Variants in TCF3 observed in about 807,000 individuals in gnomAD.
TCF3 encodes transcription factor 3.
TCF3 carries 54 observed loss-of-function variants against 72.3 expected under a neutral mutation model. That is an observed-to-expected ratio of 0.75 (90% CI 0.60 to 0.94). The LOEUF (loss-of-function observed/expected upper bound fraction) is 0.94. Among genes scored for constraint, TCF3 ranks in the 40% least tolerant of loss-of-function variants. The pLI is 0.00. For missense variants in TCF3, 1,078 were observed against 934.4 expected (o/e 1.15, Z -2.00); for synonymous variants, 525 against 412.6 (o/e 1.27, Z -3.30).
Position 1,615,280 on chromosome 19 carries a change from C to T in TCF3, c.1822+5G>A. On this transcript the variant is annotated splice_donor_5th_base_variant and intron_variant, in intron 18 of 18. Coordinates refer to ENST00000262965, the MANE Select transcript of TCF3 (RefSeq NM_003200.5). The surrounding 1 kb of genome is among the most constrained non-coding windows in gnomAD (Gnocchi z 7.3). ...GGGACGCTGGTGGCCCGCGCCCCCACTGACCTCGCACTTGCTGCTCCAAGT... is the reference window on the plus strand; with the variant it reads ...GGGACGCTGGTGGCCCGCGCCCCCATTGACCTCGCACTTGCTGCTCCAAGT... 6.3e-7 allele frequency: 1 copy of T among 1,583,128 alleles called. No individual in the cohort carries two copies. Among genetic ancestry groups the T allele is most frequent in the Non-Finnish European group, 8.6e-7 (1 of 1,159,014 alleles).
chr19:1,625,153 C>T (rs2062729802), intron 7 of TCF3, among the ~76,000 whole-genome samples: 1 of 152,228 alleles, frequency 6.6e-6, no homozygotes, highest in African/African-American at 2.4e-5. Flanking sequence ...GGCGACTGTG[C>T]TGCCTGGAAT....
rs1286689210 is a variant in TCF3, at chr19:1,614,581, G to A, written c.1822+704C>T. ...GAGCTGAGGGGATAGCGTGTGGGCC[G>A]GGCCGGGGCTCTGGCTCCGGTCCCA... On this transcript the variant is annotated intron_variant, in intron 18 of 18. Coordinates refer to ENST00000262965, the MANE Select transcript of TCF3 (RefSeq NM_003200.5). The surrounding 1 kb of genome is among the most constrained non-coding windows in gnomAD (Gnocchi z 5.6). Among the ~76,000 whole-genome samples, 1 of 152,150 alleles carries A rather than the reference G, an allele frequency of 6.6e-6. No individual in the cohort carries two copies. Among genetic ancestry groups the A allele is most frequent in the Non-Finnish European group, 1.5e-5 (1 of 68,018 alleles).
intron 3 of TCF3, among the ~76,000 whole-genome samples, chr19:1,638,040 C>A (rs886750492): frequency 6.6e-6 from 1 of 152,202 alleles, no homozygotes; most frequent in African/African-American, 2.4e-5. Flanking sequence ...CCCCATGGAT[C>A]CTCAAAGAAA....
At chr19:1,636,480 G>A (rs1402215931) in intron 3 of TCF3, among the ~76,000 whole-genome samples, 1 of 151,986 alleles carries the variant, frequency 6.6e-6, no homozygotes, top group Non-Finnish European at 1.5e-5. Flanking sequence ...AAATTTTTTT[G>A]TAGAGATGGG....
At chr19:1,612,141 C>G in intron 18 of TCF3, 4 of 1,474,412 alleles carry the variant, frequency 2.7e-6, no homozygotes, top group Non-Finnish European at 1.8e-6. Flanking sequence ...CAGGAGGACC[C>G]CAGCATCTGC....
intron 3 of TCF3, among the ~76,000 whole-genome samples, chr19:1,644,062 C>T (rs976466991): frequency 2.6e-5 from 4 of 152,166 alleles, no homozygotes; most frequent in African/African-American, 9.6e-5. Context: ...AGCTCCGGGG[C>T]TCCATCCTGC....
chr19:1,625,385 G>A (rs1461854446), intron 7 of TCF3, among the ~76,000 whole-genome samples, 191 bp downstream of exon 7: 2 of 152,214 alleles, frequency 1.3e-5, no homozygotes, highest in Admixed American at 6.5e-5. Flanking sequence ...GACGTGCCAC[G>A]CCCGCCGGCC....
chr19:1,632,734 T>A (rs746386940), intron 3 of TCF3, among the ~76,000 whole-genome samples: 1 of 152,130 alleles, frequency 6.6e-6, no homozygotes, highest in South Asian at 2.1e-4. Flanking sequence ...CTCCTCCCCA[T>A]CAGCCCCAAG....
chr19:1,630,430 G>A (rs2063563214), intron 5 of TCF3, among the ~76,000 whole-genome samples: 1 of 152,160 alleles, frequency 6.6e-6, no homozygotes, highest in Non-Finnish European at 1.5e-5. Context: ...AGACAGGACC[G>A]TCCCTGCCCC....
chr19:1,620,890 C>G (rs2062112806), intron 13 of TCF3, 78 bp downstream of exon 13: 1 of 1,330,256 alleles, frequency 7.5e-7, no homozygotes, highest in Non-Finnish European at 9.9e-7. Flanking sequence ...CCCCGCAAAG[C>G]CTTCACAGAC....
intron 2 of TCF3, 60 bp from the exon 3 acceptor site, chr19:1,646,487 C>G (rs1055174715): frequency 1.7e-5 from 25 of 1,482,110 alleles, no homozygotes; most frequent in African/African-American, 1.1e-4. Context: ...CCTACAGTCC[C>G]GGGTTCAAAC....
chr19:1,621,241 G>A (rs1311625534), intron 11 of TCF3, 50 bp from the exon 12 acceptor site: 16 of 1,517,186 alleles, frequency 1.1e-5, no homozygotes, highest in Middle Eastern at 2.3e-4. Flanking sequence ...GGGTGCTGCC[G>A]CCGACGGCAA....
rs1407946978 is a variant in TCF3 at position 1,610,360 on chromosome 19, T to G, written c.*1347A>C. On this transcript the variant is annotated 3_prime_UTR_variant, in exon 19 of 19. Transcript: ENST00000262965. ...GATGCTCCCCAGCATTGGGGGAGGC[T>G]GGCCAGGCCCCTGGCATCCTGTCTA... 1 of 229,188 alleles carries G rather than the reference T, an allele frequency of 4.4e-6. No individual in the cohort carries two copies. Among genetic ancestry groups the G allele is most frequent in the Non-Finnish European group, 8.6e-6 (1 of 115,720 alleles). 14.2% of individuals were successfully genotyped at this position (229,188 alleles called of 1,614,324 possible).
chr19:1,652,156 G>A (rs567952328), intron 1 of TCF3, 144 bp downstream of exon 1: 14 of 148,166 alleles, frequency 9.4e-5, no homozygotes, highest in Middle Eastern at 3.6e-3. Flanking sequence ...AATGACTCCC[G>A]GGCCGCGGGG....
intron 3 of TCF3, among the ~76,000 whole-genome samples, chr19:1,643,555 AC>A (rs1301690140): frequency 6.6e-5 from 10 of 151,996 alleles, no homozygotes; most frequent in Non-Finnish European, 1.5e-4. Flanking sequence ...TCTCTCAGTC[AC>A]CCAGGCTGGA....
rs2146077912 is a variant in TCF3 at position 1,620,967 on chromosome 19, C to T, written c.1093+1G>A. 6.7e-7 allele frequency: 1 copy of T among 1,491,860 alleles called. No individual in the cohort carries two copies. The highest frequency in any genetic ancestry group is 8.9e-7 in the Non-Finnish European group (1 of 1,122,878). 92.4% of individuals were successfully genotyped at this position (1,491,860 alleles called of 1,614,324 possible). A position where few individuals can be genotyped will look rare whatever the true frequency, so the allele number is the denominator to read the frequency against. On this transcript the variant is annotated splice_donor_variant, in intron 13 of 18. Transcript: ENST00000262965. LOFTEE classifies it high-confidence loss of function. Reference sequence around the variant, plus strand: ...CCCCTCCCCCCAAAACCCTCACAGACCTGCCAGGCCCTGGGGGGAGCCCAC... The same window carrying T: ...CCCCTCCCCCCAAAACCCTCACAGATCTGCCAGGCCCTGGGGGGAGCCCAC...
In TCF3 at chr19:1,617,300, G is replaced by C. The variant is rs541307127; in HGVS notation, c.1451-1479C>G. ...CCCCACGCCCGGGCCAGGGCCAACGGCACACTCACAATGGGACCCCAGCCG... is the reference window on the plus strand; with the variant it reads ...CCCCACGCCCGGGCCAGGGCCAACGCCACACTCACAATGGGACCCCAGCCG... On this transcript the variant is annotated intron_variant, in intron 16 of 18. Coordinates refer to ENST00000262965, the MANE Select transcript of TCF3 (RefSeq NM_003200.5). Among the ~76,000 whole-genome samples the C allele has an allele frequency of 4.6e-5, 7 of 152,302 alleles. No individual in the cohort carries two copies. The East Asian group carries it at 1.4e-3, about 29-fold the overall frequency.
rs143589450 is a variant in TCF3, at chr19:1,609,668, C to T, written c.*2039G>A. ...CCCTTAAGAGATCAAACTCCCAGGG[C>T]GTAGGGGAAGCCACCGAGAAGGGAG... On this transcript the variant is annotated 3_prime_UTR_variant, in exon 19 of 19. Coordinates refer to ENST00000262965, the MANE Select transcript of TCF3 (RefSeq NM_003200.5). The T allele has an allele frequency of 4.9e-3, 1,094 of 224,790 alleles. 38 individuals are homozygous for T. In the East Asian group the frequency reaches 0.059, roughly 12 times the overall value. 13.9% of individuals were successfully genotyped at this position (224,790 alleles called of 1,614,324 possible). A position where few individuals can be genotyped will look rare whatever the true frequency, so the allele number is the denominator to read the frequency against.
chr19:1,641,015 T>C (rs2065159838), intron 3 of TCF3, among the ~76,000 whole-genome samples: 1 of 151,788 alleles, frequency 6.6e-6, no homozygotes, highest in South Asian at 2.1e-4. Flanking sequence ...CCAGGCATGG[T>C]GGCAGGCACC....
Sources: allele counts gnomAD v4.1 joint callset (sites outside exome capture counted in the v4.1 genomes callset), GRCh38; gene constraint gnomAD v4.1.1; non-coding constraint Gnocchi (gnomAD v3.1); transcripts MANE v1.5; gene names NCBI Gene and HGNC (gene_info 2026-07-23, HGNC 2026-07-21).